ITPR1: variants seen among roughly 807,000 people sequenced by gnomAD.
ITPR1 encodes inositol 1,4,5-trisphosphate-gated calcium channel ITPR1.
A neutral mutation model predicts 318.4 loss-of-function variants in ITPR1; 96 were observed. That is an observed-to-expected ratio of 0.30 (90% CI 0.26 to 0.36). ITPR1 has a LOEUF of 0.36. ITPR1 is among the 10% of genes least tolerant of loss of function. The pLI, the probability that ITPR1 is intolerant of heterozygous loss-of-function variation, is 1.00. For missense variants in ITPR1, 2,440 were observed against 3,460.2 expected, an observed-to-expected ratio of 0.71 and a Z score of 7.40; for synonymous variants, 1,312 against 1,289.9, an observed-to-expected ratio of 1.02 and a Z score of -0.37.
At chr3:4,527,478 C>G (rs976132051) in intron 4 of ITPR1, among the ~76,000 whole-genome samples, 1 of 152,170 alleles carries the variant, frequency 6.6e-6, no homozygotes, top group African/African-American at 2.4e-5. Flanking sequence ...CCCTGCCACA[C>G]TTAATGCACT....
chr3:4,823,729 T>C (rs1429480870), intron 60 of ITPR1, among the ~76,000 whole-genome samples: 2 of 152,198 alleles, frequency 1.3e-5, no homozygotes, highest in Non-Finnish European at 2.9e-5. Context: ...TCCAGTTAGG[T>C]AGAAGGAATA....
At chr3:4,603,466 G>C (rs2091452637) in intron 4 of ITPR1, among the ~76,000 whole-genome samples, 1 of 151,956 alleles carries the variant, frequency 6.6e-6, no homozygotes, top group South Asian at 2.1e-4. Context: ...GTCTCCTTCT[G>C]TCACCCAGGC....
At chr3:4,530,332 G>A (rs573849564) in intron 4 of ITPR1, among the ~76,000 whole-genome samples, 2 of 152,324 alleles carry the variant, frequency 1.3e-5, no homozygotes, top group African/African-American at 2.4e-5. Context: ...GGTTGAAAAG[G>A]AATTGGTGTT....
chr3:4,786,096 C>G (rs549191466), intron 51 of ITPR1, among the ~76,000 whole-genome samples: 2 of 152,334 alleles, frequency 1.3e-5, no homozygotes, highest in East Asian at 1.9e-4. Context: ...CCTCCTTTCC[C>G]TCCTGGACCC....
chr3:4,590,066 C>T (rs2090258687), intron 4 of ITPR1, among the ~76,000 whole-genome samples: 2 of 152,002 alleles, frequency 1.3e-5, no homozygotes, highest in African/African-American at 4.8e-5. Context: ...TCACTTGTTT[C>T]ACGCCTCTGC....
intron 31 of ITPR1, among the ~76,000 whole-genome samples, chr3:4,690,228 T>C (rs147079184): frequency 0.014 from 2,094 of 152,232 alleles, 51 homozygotes; most frequent in African/African-American, 0.047. Flanking sequence ...TGAGCCAAGA[T>C]TGCACCACTG....
At chr3:4,556,611 A>C (rs2125009302) in intron 4 of ITPR1, among the ~76,000 whole-genome samples, 1 of 152,036 alleles carries the variant, frequency 6.6e-6, no homozygotes, top group East Asian at 1.9e-4. Context: ...ATGTGCATTT[A>C]AATTTCCTCC....
intron 44 of ITPR1, among the ~76,000 whole-genome samples, chr3:4,746,426 G>A (rs1266675957): frequency 6.6e-6 from 1 of 152,210 alleles, no homozygotes; most frequent in Non-Finnish European, 1.5e-5. Flanking sequence ...CCCCAGCGGG[G>A]CCATGAACTC....
intron 16 of ITPR1, among the ~76,000 whole-genome samples, chr3:4,664,015 G>A (rs1403414215): frequency 6.6e-6 from 1 of 152,174 alleles, no homozygotes; most frequent in Non-Finnish European, 1.5e-5. Flanking sequence ...GTACTTGTTG[G>A]ATATCAATCA....
intron 4 of ITPR1, among the ~76,000 whole-genome samples, chr3:4,550,777 G>C (rs916896219): frequency 6.6e-6 from 1 of 152,070 alleles, no homozygotes; most frequent in Admixed American, 6.6e-5. Flanking sequence ...CTACTAGGGA[G>C]GCTAAGGCAG....
intron 10 of ITPR1, 99 bp from the exon 11 acceptor site, chr3:4,652,024 A>G: frequency 1.1e-6 from 1 of 919,612 alleles, no homozygotes; most frequent in Admixed American, 2.1e-5. Context: ...TTTCTAGCTT[A>G]TAAACATCCC....
At chr3:4,544,643 G>T (rs904127881) in intron 4 of ITPR1, among the ~76,000 whole-genome samples, 3 of 152,318 alleles carry the variant, frequency 2.0e-5, no homozygotes, top group African/African-American at 7.2e-5. Flanking sequence ...GTTTGGGAGG[G>T]ATCCTCTCAG....
At chr3:4,505,002 A>G (rs1020553832) in intron 2 of ITPR1, among the ~76,000 whole-genome samples, 1 of 149,970 alleles carries the variant, frequency 6.7e-6, no homozygotes, top group African/African-American at 2.5e-5. Flanking sequence ...ATGGTTTGCC[A>G]GGCTCGGCCC....
At chr3:4,754,160 T>G (rs577857363) in intron 44 of ITPR1, among the ~76,000 whole-genome samples, 1 of 152,090 alleles carries the variant, frequency 6.6e-6, no homozygotes, top group East Asian at 1.9e-4. Context: ...TGATTCATTG[T>G]CCCTCAGGTA....
intron 57 of ITPR1, 114 bp from the exon 58 acceptor site, chr3:4,814,309 A>G (rs370210772): frequency 1.7e-6 from 2 of 1,179,766 alleles, no homozygotes; most frequent in East Asian, 2.3e-5. Context: ...TTGATTCCTT[A>G]ATTTTATTCT....
intron 48 of ITPR1, among the ~76,000 whole-genome samples, 164 bp downstream of exon 48, chr3:4,777,538 A>C (rs2046555748): frequency 6.6e-6 from 1 of 152,200 alleles, no homozygotes; most frequent in Admixed American, 6.5e-5. Flanking sequence ...CAGAACTCCA[A>C]CCTTTCTCTT....
intron 60 of ITPR1, among the ~76,000 whole-genome samples, chr3:4,824,354 T>C (rs2049930478): frequency 6.6e-6 from 1 of 152,200 alleles, no homozygotes; most frequent in Non-Finnish European, 1.5e-5. Flanking sequence ...ACTTTATAGA[T>C]GGGAACCTAA....
intron 24 of ITPR1, among the ~76,000 whole-genome samples, chr3:4,677,881 G>T (rs923851452): frequency 4.0e-5 from 6 of 151,336 alleles, no homozygotes; most frequent in African/African-American, 1.2e-4. Context: ...GGGAAGGCTT[G>T]GTCGTAGGCA....
intron 4 of ITPR1, among the ~76,000 whole-genome samples, chr3:4,593,730 T>C (rs2090576165): frequency 6.6e-6 from 1 of 152,210 alleles, no homozygotes; most frequent in Admixed American, 6.5e-5. Context: ...AGATAAATGC[T>C]AAACAGACTT....
Sources: allele counts gnomAD v4.1 joint callset (sites outside exome capture counted in the v4.1 genomes callset), GRCh38; gene constraint gnomAD v4.1.1; transcripts MANE v1.5; gene names NCBI Gene and HGNC (gene_info 2026-07-23, HGNC 2026-07-21).